FMNL2: variants seen among roughly 807,000 people sequenced by gnomAD.
The protein encoded by FMNL2 is formin like 2, also known as formin-like protein 2.
A neutral mutation model predicts 130.2 loss-of-function variants in FMNL2; 51 were observed. The observed-to-expected ratio is 0.39, with a 90% CI of 0.31 to 0.49. The LOEUF is 0.49. Ranked by LOEUF, FMNL2 falls within the 20% of genes least tolerant of loss-of-function variation. FMNL2 has a pLI of 0.85. For synonymous variants in FMNL2, 465 were observed against 467.1 expected (o/e 1.00, Z 0.06); for missense variants, 977 against 1,316.2 (o/e 0.74, Z 3.99).
At chr2:152,403,821 G>A (rs566362700) in intron 1 of FMNL2, among the ~76,000 whole-genome samples, 104 of 152,320 alleles carry the variant, frequency 6.8e-4, no homozygotes, top group African/African-American at 2.4e-3. Context: ...TGTAATCCCA[G>A]CACTTTGGGA....
intron 13 of FMNL2, 117 bp downstream of exon 13, chr2:152,617,309 A>T (rs986525995): frequency 1.1e-5 from 10 of 904,418 alleles, no homozygotes; most frequent in African/African-American, 1.7e-5. Flanking sequence ...CAGCATATTT[A>T]TTGGAAACCT....
chr2:152,571,539 T>C (rs1215882406), intron 6 of FMNL2, among the ~76,000 whole-genome samples: 5 of 152,256 alleles, frequency 3.3e-5, no homozygotes, highest in African/African-American at 1.2e-4. Context: ...CGTTTCACTT[T>C]ATGTAATTCT....
At chr2:152,395,623 T>TC (rs2105942875) in intron 1 of FMNL2, among the ~76,000 whole-genome samples, 2 of 152,340 alleles carry the variant, frequency 1.3e-5, no homozygotes, top group South Asian at 4.1e-4. Flanking sequence ...GAATTTTTGT[T>TC]CAACTTCCCC....
intron 1 of FMNL2, among the ~76,000 whole-genome samples, chr2:152,407,970 C>CTGTTT (rs1392893876): frequency 5.9e-5 from 9 of 152,160 alleles, no homozygotes; most frequent in Admixed American, 3.3e-4. Context: ...GCTGAAGGAT[C>CTGTTT]TGTTTGTGAA....
At chr2:152,588,412 G>C (rs113470900) in intron 9 of FMNL2, among the ~76,000 whole-genome samples, 4 of 152,250 alleles carry the variant, frequency 2.6e-5, no homozygotes, top group Non-Finnish European at 5.9e-5. Context: ...AATAATCTAA[G>C]ACAGTCTCCC....
At chr2:152,347,122 A>G (rs1257947985) in intron 1 of FMNL2, among the ~76,000 whole-genome samples, 2 of 151,942 alleles carry the variant, frequency 1.3e-5, no homozygotes, top group African/African-American at 4.8e-5. Flanking sequence ...CACAAACCAG[A>G]CACAGTTGCA....
At chr2:152,451,635 A>G (rs1268755344) in intron 1 of FMNL2, among the ~76,000 whole-genome samples, 1 of 152,152 alleles carries the variant, frequency 6.6e-6, no homozygotes, top group Non-Finnish European at 1.5e-5. Context: ...CCAGGGTTCT[A>G]TAGTCAGTCA....
intron 8 of FMNL2, 90 bp from the exon 9 acceptor site, chr2:152,580,865 GT>G: frequency 1.7e-6 from 2 of 1,200,572 alleles, no homozygotes; most frequent in South Asian, 1.3e-5. Context: ...AAGGGCAAAT[GT>G]TTTATTCTCA....
At chr2:152,518,281 A>G (rs1692889341) in intron 1 of FMNL2, among the ~76,000 whole-genome samples, 1 of 152,190 alleles carries the variant, frequency 6.6e-6, no homozygotes, top group South Asian at 2.1e-4. Context: ...AAGCTGTACA[A>G]TGTATGTCTG....
intron 2 of FMNL2, among the ~76,000 whole-genome samples, chr2:152,525,404 G>A (rs925060454): frequency 1.3e-5 from 2 of 151,074 alleles, no homozygotes; most frequent in African/African-American, 2.4e-5. Flanking sequence ...ATCCAGTCCA[G>A]AAGCTGTTAG....
chr2:152,412,369 C>T lies in FMNL2; in HGVS notation c.117+76649C>T, dbSNP rs145259767. On this transcript the variant is annotated intron_variant, in intron 1 of 25. Transcript: ENST00000288670. ...TTATGTATGAATTTTGGTGGAATGC[C>T]GTTTAGAGGGAATATTTTCTGATTC... Among the ~76,000 whole-genome samples, 126 of 147,496 alleles carry T rather than the reference C, an allele frequency of 8.5e-4. 2 individuals carry two copies. In the South Asian group the frequency reaches 0.018, roughly 21 times the overall value.
intron 9 of FMNL2, among the ~76,000 whole-genome samples, chr2:152,591,496 G>A (rs74439604): frequency 6.6e-6 from 1 of 152,340 alleles, no homozygotes; most frequent in African/African-American, 2.4e-5. Flanking sequence ...CAGGGTTAGG[G>A]GAGTTTGTTA....
chr2:152,425,500 C>G (rs1157064820), intron 1 of FMNL2, among the ~76,000 whole-genome samples: 1 of 152,154 alleles, frequency 6.6e-6, no homozygotes, highest in Admixed American at 6.5e-5. Context: ...TCTTAAATAT[C>G]TTTGGCTTAA....
chr2:152,553,043 G>T (rs1455170811), intron 4 of FMNL2, among the ~76,000 whole-genome samples: 1 of 152,134 alleles, frequency 6.6e-6, no homozygotes, highest in Non-Finnish European at 1.5e-5. Context: ...ATGGCAGAAG[G>T]AATGTGGCAA....
intron 5 of FMNL2, 144 bp from the exon 6 acceptor site, chr2:152,560,739 T>C (rs939074891): frequency 1.5e-6 from 1 of 671,936 alleles, no homozygotes. Flanking sequence ...AATTCCATTA[T>C]ATTTCCTTTC....
chr2:152,572,856 A>G (rs1051653405), intron 6 of FMNL2, among the ~76,000 whole-genome samples: 1 of 151,916 alleles, frequency 6.6e-6, no homozygotes, highest in African/African-American at 2.4e-5. Flanking sequence ...GAAACCAAAT[A>G]TACAGTTACA....
At chr2:152,481,095 T>G (rs1690494483) in intron 1 of FMNL2, among the ~76,000 whole-genome samples, 1 of 152,246 alleles carries the variant, frequency 6.6e-6, no homozygotes, top group South Asian at 2.1e-4. Flanking sequence ...TGCGCATGTT[T>G]CACTAAATTT....
intron 1 of FMNL2, among the ~76,000 whole-genome samples, chr2:152,440,695 C>T (rs1398617261): frequency 6.6e-6 from 1 of 152,138 alleles, no homozygotes. Flanking sequence ...ATGTAGAGAA[C>T]ACATTCTTAT....
In FMNL2 at chr2:152,637,565, C is replaced by T. The variant is rs1303445294; in HGVS notation, c.2845-8C>T. On this transcript the variant is annotated splice_polypyrimidine_tract_variant and splice_region_variant and intron_variant, in intron 22 of 25. Coordinates refer to ENST00000288670, the MANE Select transcript of FMNL2 (RefSeq NM_052905.4). Reference sequence around the variant, plus strand: ...AATGAAACTCAAGAAAAATTTGCTTCTTCACAGGATGCCTTTGATGATGTT... The same window carrying T: ...AATGAAACTCAAGAAAAATTTGCTTTTTCACAGGATGCCTTTGATGATGTT... 9 of 1,613,432 alleles carry T rather than the reference C, an allele frequency of 5.6e-6. No homozygotes were observed. Among genetic ancestry groups the T allele is most frequent in the Non-Finnish European group, 7.6e-6 (9 of 1,179,488 alleles).
Sources: allele counts gnomAD v4.1 joint callset (sites outside exome capture counted in the v4.1 genomes callset), GRCh38; gene constraint gnomAD v4.1.1; transcripts MANE v1.5; gene names NCBI Gene and HGNC (gene_info 2026-07-23, HGNC 2026-07-21).